Variants in USF3 observed in about 807,000 individuals in gnomAD.
USF3 encodes the protein basic helix-loop-helix domain-containing protein USF3.
Under a neutral mutation model 157.5 loss-of-function variants are expected in USF3, and 29 were observed. That is an observed-to-expected ratio of 0.18 (90% confidence interval 0.14 to 0.25). The LOEUF is 0.25. Ranked by LOEUF, USF3 falls within the 10% of genes least tolerant of loss-of-function variation. USF3 has a pLI of 1.00. For missense variants in USF3, 2,381 were observed against 2,667.6 expected, an observed-to-expected ratio of 0.89 and a Z score of 2.37; for synonymous variants, 893 against 941.4, an observed-to-expected ratio of 0.95 and a Z score of 0.94.
At chr3:113,674,564 A>G (rs1436386187) in intron 3 of USF3, among the ~76,000 whole-genome samples, 1 of 152,150 alleles carries the variant, frequency 6.6e-6, no homozygotes, top group Non-Finnish European at 1.5e-5. Context: ...GCTGGTCTTG[A>G]ACTCCTGACC....
In USF3 at chr3:113,658,763, A is replaced by C; in HGVS notation, c.2919T>G (p.Val973=). 6.2e-7 allele frequency: 1 copy of C among 1,614,182 alleles called. No individual in the cohort carries two copies. The highest frequency in any genetic ancestry group is 8.5e-7 in the Non-Finnish European group (1 of 1,180,040). ...STTSTTSTDC[V]SEVEIIAEPC... ...GTTCAGCAATGATTTCTACCTCAGA[A>C]ACACAGTCAGTACTTGTAGTGCTTG... Residue 973 remains valine (V), a synonymous_variant, in exon 7 of 7, where the codon GTT becomes GTG. Coordinates refer to ENST00000316407, the MANE Select transcript of USF3 (RefSeq NM_001009899.4).
chr3:113,665,253 C>T lies in USF3; in HGVS notation c.160-844G>A, dbSNP rs1056732402. On this transcript the variant is annotated intron_variant, in intron 5 of 6. Coordinates refer to ENST00000316407, the MANE Select transcript of USF3 (RefSeq NM_001009899.4). ...GTTGGAGGAATGGTAAGGAGGTGAG[C>T]GGAGCTACAGTGGAGTACATGTGGG... is the stretch of plus-strand genomic sequence containing the variant. 6.0e-4 allele frequency among the ~76,000 whole-genome samples: 91 copies of T among 152,210 alleles called. 1 individual carries two copies. Among genetic ancestry groups the T allele is most frequent in the African/African-American group, 1.9e-3 (81 of 41,546 alleles).
At position 113,670,370 on chromosome 3, in the gene USF3, G is replaced by A. The variant is rs768389915; in HGVS notation, c.77-167C>T. On this transcript the variant is annotated intron_variant, in intron 4 of 6. Transcript: ENST00000316407. ...ACCCAGCATTTTGGGAGGCCAAGGC[G>A]GGTGGATCACCTGAGGTCAGGAGTT... 7.1e-5 allele frequency: 42 copies of A among 592,486 alleles called. 1 individual carries two copies. The highest frequency in any genetic ancestry group is 4.7e-4 in the South Asian group (24 of 50,722). The allele number at this position is 592,486 out of a possible 1,614,324, so 36.7% of individuals were successfully genotyped here.
Position 113,655,042 on chromosome 3 carries a change from C to T in USF3, c.6640G>A (p.Ala2214Thr), listed in dbSNP as rs749437005. Residue 2214 changes from alanine (A) to threonine (T), a missense_variant, in exon 7 of 7, where the codon GCA (alanine) becomes ACA (threonine). Physicochemically the swap from Ala to Thr is moderately conservative, Grantham distance 58. Coordinates refer to ENST00000316407, the MANE Select transcript of USF3 (RefSeq NM_001009899.4). The stretch of plus-strand genomic sequence containing the variant: ...GAAGAGTCAGAGGCAGAGGAATTTG[C>T]TATTGTAAGCAAAGGTGACATTGCT... ...GSAMSPLLTI[A>T]NSSASDSSKQ... 6.8e-5 allele frequency: 109 copies of T among 1,614,180 alleles called. No individual in the cohort carries two copies. The South Asian group carries it at 1.2e-3, about 17-fold the overall frequency.
intron 6 of USF3, among the ~76,000 whole-genome samples, chr3:113,663,773 A>G (rs752280182): frequency 2.0e-5 from 3 of 152,248 alleles, no homozygotes; most frequent in Non-Finnish European, 4.4e-5. Flanking sequence ...TGCTAATGGA[A>G]AAAGAGAACT....
intron 1 of USF3, among the ~76,000 whole-genome samples, chr3:113,692,917 C>A (rs1043248349): frequency 2.0e-5 from 3 of 152,190 alleles, no homozygotes; most frequent in Non-Finnish European, 2.9e-5. Flanking sequence ...TATACCTTTA[C>A]AGCACAGAGT....
rs1460855131 is a variant in USF3 at position 113,660,379 on chromosome 3, T to C, written c.1303A>G (p.Thr435Ala). Reference protein sequence around the residue: ...SAGNTQTTWTTLQLAGNTIQP... With the variant: ...SAGNTQTTWTALQLAGNTIQP... ...ATAGTGTTTCCTGCCAGTTGCAAAGTAGTCCACGTTGTCTGTGTGTTTCCA... is the reference window on the plus strand; with the variant it reads ...ATAGTGTTTCCTGCCAGTTGCAAAGCAGTCCACGTTGTCTGTGTGTTTCCA... Residue 435 changes from threonine (T) to alanine (A), a missense_variant, in exon 7 of 7, where the codon ACT becomes GCT. Transcript: ENST00000316407. The C allele has an allele frequency of 1.9e-6, 3 of 1,614,184 alleles. No homozygotes were observed. The South Asian group carries it at 3.3e-5, about 18-fold the overall frequency.
chr3:113,660,077 C>T lies in USF3; in HGVS notation c.1605G>A (p.Met535Ile), dbSNP rs1705585847. 6.2e-7 allele frequency: 1 copy of T among 1,614,190 alleles called. No homozygotes were observed. Among genetic ancestry groups the T allele is most frequent in the Non-Finnish European group, 8.5e-7 (1 of 1,180,042 alleles). ...PLNSAMQVIQ[M>I]AQPVGSAVNS... ...TAACAGCTGACCCAACTGGCTGAGC[C>T]ATCTGAATCACTTGCATTGCTGAAT... The change falls in exon 7 of 7, where the codon ATG becomes ATA. Residue 535 changes from methionine (M) to isoleucine (I), a missense_variant. Physicochemically the swap from Met to Ile is conservative, Grantham distance 10. This residue lies in a region of USF3 where 1,435 missense variants were observed against 1,550.9 expected (regional missense o/e 0.93). Coordinates refer to ENST00000316407, the MANE Select transcript of USF3 (RefSeq NM_001009899.4).
In USF3 at chr3:113,661,355, T is replaced by C; in HGVS notation, c.327A>G (p.Leu109=). 6.2e-7 allele frequency: 1 copy of C among 1,601,872 alleles called. No individual in the cohort carries two copies. The highest frequency in any genetic ancestry group is 8.5e-7 in the Non-Finnish European group (1 of 1,174,914). ...IQKENGRYIE[L]LKANDICLYD... ...ATAAGCATATGTCATTAGCTTTCAG[T>C]AATTCAATATATCGGCCATTTTCTT... The change falls in exon 7 of 7, where the codon TTA becomes TTG. Residue 109 remains leucine (L), a synonymous_variant. Coordinates refer to ENST00000316407, the MANE Select transcript of USF3 (RefSeq NM_001009899.4).
At chr3:113,681,225 C>T (rs9841675) in intron 1 of USF3, among the ~76,000 whole-genome samples, 47,867 of 151,042 alleles carry the variant, frequency 0.32, 7,649 homozygotes, top group Non-Finnish European at 0.35. Context: ...GTGATCTGCC[C>T]GCCTCAACCT....
rs1323732700 is a variant in USF3 at position 113,651,007 on chromosome 3, T to C, written c.*3937A>G. Reference sequence around the variant, plus strand: ...ATAAGCCATCCCAGAGCAACTTGTGTTTTCCAAAAAAAAGAAAGAAAGAAA... The same window carrying C: ...ATAAGCCATCCCAGAGCAACTTGTGCTTTCCAAAAAAAAGAAAGAAAGAAA... On this transcript the variant is annotated 3_prime_UTR_variant, in exon 7 of 7. Coordinates refer to ENST00000316407, the MANE Select transcript of USF3 (RefSeq NM_001009899.4). 6.6e-6 allele frequency: 1 copy of C among 152,080 alleles called. No homozygotes were observed. Among genetic ancestry groups the C allele is most frequent in the Non-Finnish European group, 1.5e-5 (1 of 68,006 alleles). 9.4% of individuals were successfully genotyped at this position (152,080 alleles called of 1,614,324 possible).
chr3:113,659,565 T>G lies in USF3; in HGVS notation c.2117A>C (p.Asn706Thr), dbSNP rs1054284373. ...SEDPNTNVAL[N>T]TFGALASLNQ... ...GAGGCTGGCCAAAGCACCAAATGTA[T>G]TCAGGGCAACATTGGTATTTGGATC... Residue 706 changes from asparagine to threonine, a missense_variant, in exon 7 of 7, where the codon AAT becomes ACT. Asn to Thr is a moderately conservative substitution (Grantham distance 65). Coordinates refer to ENST00000316407, the MANE Select transcript of USF3 (RefSeq NM_001009899.4). 4.3e-6 allele frequency: 7 copies of G among 1,614,026 alleles called. No individual in the cohort carries two copies. The highest frequency in any genetic ancestry group is 2.5e-6 in the Non-Finnish European group (3 of 1,179,976).
chr3:113,672,905 T>C (rs1473453316), intron 4 of USF3, among the ~76,000 whole-genome samples: 1 of 152,248 alleles, frequency 6.6e-6, no homozygotes, highest in East Asian at 1.9e-4. Flanking sequence ...TATATCTTCC[T>C]ATAATTGAGG....
chr3:113,691,144 G>T (rs577240677), intron 1 of USF3, among the ~76,000 whole-genome samples: 1 of 152,124 alleles, frequency 6.6e-6, no homozygotes, highest in Non-Finnish European at 1.5e-5. Flanking sequence ...AGCCAAGATC[G>T]CACCACTGCA....
At chr3:113,679,164 T>A (rs185511572) in intron 1 of USF3, among the ~76,000 whole-genome samples, 2 of 152,256 alleles carry the variant, frequency 1.3e-5, no homozygotes, top group African/African-American at 4.8e-5. Flanking sequence ...ACATTAGTAA[T>A]CTCTGAATTA....
intron 1 of USF3, among the ~76,000 whole-genome samples, chr3:113,692,416 GAAA>G (rs371082398): frequency 0.016 from 2,502 of 151,754 alleles, 56 homozygotes; most frequent in African/African-American, 0.056. Flanking sequence ...ATACAAACAT[GAAA>G]AAAAATTTCA....
chr3:113,682,891 GC>G (rs1707466134), intron 1 of USF3, among the ~76,000 whole-genome samples: 1 of 143,694 alleles, frequency 7.0e-6, no homozygotes. Context: ...AGATCGCTGG[GC>G]TTTTTTTTTT....
chr3:113,684,720 A>G (rs1430569269), intron 1 of USF3, among the ~76,000 whole-genome samples: 1 of 152,090 alleles, frequency 6.6e-6, no homozygotes, highest in Non-Finnish European at 1.5e-5. Context: ...TCTCTTCATT[A>G]AATTTATCGA....
intron 5 of USF3, among the ~76,000 whole-genome samples, chr3:113,669,742 G>A (rs906322538): frequency 1.3e-5 from 2 of 152,026 alleles, no homozygotes; most frequent in East Asian, 3.9e-4. Flanking sequence ...AAGAGGGCAC[G>A]GAGAATAAAT....
Sources: allele counts gnomAD v4.1 joint callset (sites outside exome capture counted in the v4.1 genomes callset), GRCh38; gene constraint gnomAD v4.1.1; regional missense constraint gnomAD v4.1.1; transcripts MANE v1.5; gene names NCBI Gene and HGNC (gene_info 2026-07-23, HGNC 2026-07-21).